TAF4B: variants seen among roughly 807,000 people sequenced by gnomAD.
TAF4B encodes transcription initiation factor TFIID subunit 4B.
In TAF4B, 38 loss-of-function variants were observed where a neutral mutation model predicts 86.4. The ratio of observed to expected loss-of-function variants is 0.44; its 90% CI spans 0.34 to 0.58. TAF4B has a LOEUF of 0.58. Among genes scored for constraint, TAF4B ranks in the 20% least tolerant of loss-of-function variants. The pLI is 0.02. For missense variants in TAF4B, 988 were observed against 1,027.6 expected (o/e 0.96, Z 0.53); for synonymous variants, 388 against 391.2 (o/e 0.99, Z 0.10).
intron 1 of TAF4B, among the ~76,000 whole-genome samples, chr18:26,238,825 A>G (rs1183702457): frequency 6.6e-6 from 1 of 152,036 alleles, no homozygotes; most frequent in Non-Finnish European, 1.5e-5. Flanking sequence ...CACCTATGAG[A>G]TAGAACATGC....
At chr18:26,293,362 A>G in intron 8 of TAF4B, 64 bp from the exon 9 acceptor site, 1 of 1,160,404 alleles carries the variant, frequency 8.6e-7, no homozygotes, top group Non-Finnish European at 1.2e-6. Flanking sequence ...GTTGTCCTGG[A>G]TTTTTCCTAA....
At chr18:26,277,252 T>G (rs1409294707) in intron 5 of TAF4B, among the ~76,000 whole-genome samples, 1 of 151,932 alleles carries the variant, frequency 6.6e-6, no homozygotes. Context: ...CCTGGCTAAT[T>G]TTTTGATTTT....
In TAF4B at chr18:26,321,187, T is replaced by A; in HGVS notation, c.2120T>A (p.Met707Lys). Residue 707 changes from methionine to lysine, a missense_variant, in exon 11 of 15, where the codon ATG becomes AAG. Around this residue, in one of 3 missense-constraint regions of TAF4B, gnomAD observed 216 missense variants for 238.4 expected, o/e 0.91. Coordinates refer to ENST00000269142, the MANE Select transcript of TAF4B (RefSeq NM_005640.3). Reference sequence around the variant, plus strand: ...CTGACTGCAATTGCTCAGCATCGAATGACTACTTACAAGGTAAAGGAAATC... The same window carrying A: ...CTGACTGCAATTGCTCAGCATCGAAAGACTACTTACAAGGTAAAGGAAATC... ...EKLTAIAQHR[M>K]TTYKASENYI... The A allele has an allele frequency of 6.2e-7, 1 of 1,613,722 alleles. No individual in the cohort carries two copies. The highest frequency in any genetic ancestry group is 1.1e-5 in the South Asian group (1 of 91,070).
At chr18:26,274,627 A>C (rs1288352558) in intron 3 of TAF4B, 36 bp from the exon 4 acceptor site, 3 of 1,608,720 alleles carry the variant, frequency 1.9e-6, no homozygotes, top group African/African-American at 1.3e-5. Flanking sequence ...GTATCATAGT[A>C]ATACATGCCT....
chr18:26,275,178 CAG>C (rs1345383012), intron 5 of TAF4B, 125 bp downstream of exon 5: 11 of 1,115,496 alleles, frequency 9.9e-6, no homozygotes, highest in Non-Finnish European at 1.2e-5. Flanking sequence ...TGTTTTGAGA[CAG>C]AGTCTCGCTC....
At chr18:26,373,807 C>T (rs2057422914) in intron 14 of TAF4B, among the ~76,000 whole-genome samples, 1 of 152,012 alleles carries the variant, frequency 6.6e-6, no homozygotes, top group African/African-American at 2.4e-5. Flanking sequence ...CTCTGTTCAC[C>T]CAGTGTTACT....
At chr18:26,374,345 T>C (rs1230864690) in intron 14 of TAF4B, among the ~76,000 whole-genome samples, 1 of 152,212 alleles carries the variant, frequency 6.6e-6, no homozygotes, top group African/African-American at 2.4e-5. Context: ...AAACACTCCG[T>C]CTGCCTGCTT....
chr18:26,372,773 A>C (rs1026225640), intron 14 of TAF4B, among the ~76,000 whole-genome samples: 3 of 152,044 alleles, frequency 2.0e-5, no homozygotes, highest in Non-Finnish European at 4.4e-5. Flanking sequence ...GATCGAGACC[A>C]TCCTGGCTAA....
chr18:26,240,233 T>A (rs999210010), intron 1 of TAF4B, among the ~76,000 whole-genome samples: 2 of 152,166 alleles, frequency 1.3e-5, no homozygotes, highest in African/African-American at 4.8e-5. Flanking sequence ...TGGAATGTTC[T>A]TCCATTTGTG....
chr18:26,363,799 G>A (rs753424028), intron 14 of TAF4B, among the ~76,000 whole-genome samples: 5 of 151,730 alleles, frequency 3.3e-5, no homozygotes, highest in Non-Finnish European at 7.4e-5. Context: ...ACATGTTTGA[G>A]TTAAATTTTT....
chr18:26,324,484 G>T lies in TAF4B; in HGVS notation c.2134-2531G>T, dbSNP rs143419803. Among the ~76,000 whole-genome samples, 672 of 152,244 alleles carry T rather than the reference G, an allele frequency of 4.4e-3. 2 individuals carry two copies. The highest frequency in any genetic ancestry group is 0.01 in the Middle Eastern group (3 of 294). On this transcript the variant is annotated intron_variant, in intron 11 of 14. Coordinates refer to ENST00000269142, the MANE Select transcript of TAF4B (RefSeq NM_005640.3). ...AATAAGTATAATTTACAATGGAATA[G>T]AATTTTTAAAGTAATATTTATTGAA...
intron 3 of TAF4B, among the ~76,000 whole-genome samples, chr18:26,272,783 T>G (rs1049207362): frequency 2.6e-5 from 4 of 152,138 alleles, no homozygotes; most frequent in African/African-American, 9.7e-5. Flanking sequence ...ACTAAAAATT[T>G]ATTAGAAAAT....
chr18:26,298,480 T>C (rs1677014), intron 9 of TAF4B, among the ~76,000 whole-genome samples: 53,938 of 151,930 alleles, frequency 0.36, 11,676 homozygotes, highest in East Asian at 0.81. Flanking sequence ...GATCCGCCCT[T>C]CTCGGCCTCC....
chr18:26,266,102 A>T (rs2056236161), intron 2 of TAF4B: 1 of 152,062 alleles, frequency 6.6e-6, no homozygotes, highest in African/African-American at 2.4e-5. Context: ...AATTTTTGGT[A>T]AAATAGTAAT....
intron 11 of TAF4B, among the ~76,000 whole-genome samples, chr18:26,322,783 C>A (rs1305061232): frequency 6.6e-6 from 1 of 151,802 alleles, no homozygotes; most frequent in Non-Finnish European, 1.5e-5. Context: ...AAGCTTCAGG[C>A]TTAGTTTGCT....
chr18:26,241,925 T>C (rs1384437646), intron 1 of TAF4B, among the ~76,000 whole-genome samples: 1 of 152,236 alleles, frequency 6.6e-6, no homozygotes, highest in African/African-American at 2.4e-5. Context: ...TGAGTTCTAG[T>C]TTGATTGCCC....
chr18:26,294,187 A>G (rs1407045336), intron 9 of TAF4B, among the ~76,000 whole-genome samples: 2 of 152,078 alleles, frequency 1.3e-5, no homozygotes, highest in Non-Finnish European at 2.9e-5. Flanking sequence ...TGGTAGGGAA[A>G]CTACCAAATT....
chr18:26,339,844 T>C (rs1005319201), intron 13 of TAF4B, among the ~76,000 whole-genome samples: 10 of 152,246 alleles, frequency 6.6e-5, no homozygotes, highest in African/African-American at 1.7e-4. Flanking sequence ...TTGATAGTTA[T>C]ATATTTTCTG....
In TAF4B at chr18:26,269,481, G is replaced by A. The variant is rs115996793; in HGVS notation, c.597+1858G>A. Reference sequence around the variant, plus strand: ...GTTTCCGAGTCAAGACATATGTGATGAAACCAGTGGATCTGATAGTCCTGG... The same window carrying A: ...GTTTCCGAGTCAAGACATATGTGATAAAACCAGTGGATCTGATAGTCCTGG... On this transcript the variant is annotated intron_variant, in intron 3 of 14. Coordinates refer to ENST00000269142, the MANE Select transcript of TAF4B (RefSeq NM_005640.3). Among the ~76,000 whole-genome samples the A allele has an allele frequency of 4.8e-3, 735 of 152,236 alleles. 8 individuals carry two copies. The highest frequency in any genetic ancestry group is 0.017 in the African/African-American group (697 of 41,544).
Sources: allele counts gnomAD v4.1 joint callset (sites outside exome capture counted in the v4.1 genomes callset), GRCh38; gene constraint gnomAD v4.1.1; regional missense constraint gnomAD v4.1.1; transcripts MANE v1.5; gene names NCBI Gene and HGNC (gene_info 2026-07-23, HGNC 2026-07-21).